The following MAGI2 variants were observed in gnomAD, a reference collection of about 807,000 sequenced individuals.
The protein encoded by MAGI2 is membrane-associated guanylate kinase, WW and PDZ domain-containing protein 2.
Under a neutral mutation model 133.3 loss-of-function variants are expected in MAGI2, and 35 were observed. That is an observed-to-expected ratio of 0.26 (90% CI 0.20 to 0.35). MAGI2 has a LOEUF of 0.35. Among genes scored for constraint, MAGI2 ranks in the 10% least tolerant of loss-of-function variants. The probability of loss-of-function intolerance (pLI) is 1.00; values close to 1 mark genes in which losing one functional copy is unlikely to be tolerated. For missense variants in MAGI2, 1,636 were observed against 1,863.4 expected (o/e 0.88, Z 2.25); for synonymous variants, 729 against 710.6 (o/e 1.03, Z -0.41).
At chr7:79,043,912 T>C (rs757701173) in intron 1 of MAGI2, among the ~76,000 whole-genome samples, 10 of 151,382 alleles carry the variant, frequency 6.6e-5, no homozygotes, top group Admixed American at 1.3e-4. Flanking sequence ...ACCATTAGAG[T>C]TGTGAAATTG....
intron 2 of MAGI2, among the ~76,000 whole-genome samples, chr7:78,760,121 AAAAAT>A (rs547525365): frequency 2.9e-4 from 44 of 152,322 alleles, no homozygotes; most frequent in African/African-American, 7.7e-4. Flanking sequence ...GTCTCAAAAA[AAAAAT>A]AAAATAAACA....
intron 2 of MAGI2, among the ~76,000 whole-genome samples, chr7:79,005,877 T>C (rs1181094413): frequency 1.3e-5 from 2 of 152,178 alleles, no homozygotes; most frequent in African/African-American, 4.8e-5. Flanking sequence ...CAAAAGCCTA[T>C]TCACTTAACT....
chr7:78,676,782 A>G (rs1024759922), intron 2 of MAGI2, among the ~76,000 whole-genome samples: 1 of 152,098 alleles, frequency 6.6e-6, no homozygotes, highest in African/African-American at 2.4e-5. Context: ...ATATTATACT[A>G]ATGCTAGCAT....
intron 2 of MAGI2, among the ~76,000 whole-genome samples, chr7:78,758,335 C>T (rs1221396008): frequency 1.4e-4 from 21 of 152,036 alleles, no homozygotes; most frequent in Admixed American, 9.8e-4. Context: ...GCATTCAATA[C>T]GTACTTGTAG....
intron 2 of MAGI2, among the ~76,000 whole-genome samples, chr7:78,918,616 T>C (rs143465774): frequency 4.6e-5 from 7 of 152,312 alleles, no homozygotes; most frequent in African/African-American, 1.7e-4. Context: ...CCAATATTTA[T>C]CTCAAACATC....
intron 2 of MAGI2, among the ~76,000 whole-genome samples, chr7:78,920,889 C>T (rs985135878): frequency 7.2e-5 from 11 of 152,110 alleles, no homozygotes; most frequent in African/African-American, 2.7e-4. Context: ...CTTGGTTAAC[C>T]ATTGTTTTTA....
At chr7:78,306,776 A>G (rs908777334) in intron 9 of MAGI2, among the ~76,000 whole-genome samples, 2 of 152,278 alleles carry the variant, frequency 1.3e-5, no homozygotes, top group Admixed American at 1.3e-4. Flanking sequence ...TGAATTAATT[A>G]ACATCTGAGT....
intron 1 of MAGI2, among the ~76,000 whole-genome samples, chr7:79,244,813 C>G (rs1832703278): frequency 6.6e-6 from 1 of 152,148 alleles, no homozygotes; most frequent in African/African-American, 2.4e-5. Context: ...CCTCCCAAAA[C>G]CCCAGGCACC....
chr7:78,117,359 CAA>C (rs1406919840), intron 20 of MAGI2, among the ~76,000 whole-genome samples: 3 of 151,790 alleles, frequency 2.0e-5, no homozygotes, highest in African/African-American at 7.3e-5. Context: ...CCCAGGAACT[CAA>C]GAGTAATTGA....
At chr7:79,299,372 T>C (rs1283282640) in intron 1 of MAGI2, among the ~76,000 whole-genome samples, 1 of 151,838 alleles carries the variant, frequency 6.6e-6, no homozygotes, top group African/African-American at 2.4e-5. Flanking sequence ...GAGTTGTTTA[T>C]GGTCAGGAGA....
chr7:78,505,934 G>C (rs1795047593), intron 4 of MAGI2, among the ~76,000 whole-genome samples: 1 of 75,304 alleles, frequency 1.3e-5, no homozygotes, highest in Admixed American at 1.2e-4. Context: ...CTGAAGGTAA[G>C]GGAGAAATAA....
chr7:78,258,110 T>C (rs1280488005), intron 9 of MAGI2, among the ~76,000 whole-genome samples: 1 of 152,180 alleles, frequency 6.6e-6, no homozygotes, highest in Non-Finnish European at 1.5e-5. Context: ...CTCTAGAAAA[T>C]GTCACAACCT....
chr7:78,060,457 C>T (rs1398139975), intron 21 of MAGI2, among the ~76,000 whole-genome samples: 1 of 152,244 alleles, frequency 6.6e-6, no homozygotes, highest in African/African-American at 2.4e-5. Context: ...ATCTGCTAAG[C>T]ACTGTACAAA....
chr7:78,077,553 G>A (rs555066723), intron 21 of MAGI2, among the ~76,000 whole-genome samples: 1 of 152,056 alleles, frequency 6.6e-6, no homozygotes, highest in South Asian at 2.1e-4. Flanking sequence ...AGCTCTCTCT[G>A]TACGCTTTGA....
chr7:78,058,003 A>ATATGTGTGTGTGTGTG, intron 21 of MAGI2, among the ~76,000 whole-genome samples: 1 of 117,028 alleles, frequency 8.5e-6, no homozygotes, highest in Non-Finnish European at 1.8e-5. Flanking sequence ...ATATATATAT[A>ATATGTGTGTGTGTGTG]TGTATGAGAA....
At chr7:78,382,038 T>G (rs1021733999) in intron 6 of MAGI2, among the ~76,000 whole-genome samples, 2 of 152,180 alleles carry the variant, frequency 1.3e-5, no homozygotes, top group Non-Finnish European at 1.5e-5. Flanking sequence ...ATGGAAACAA[T>G]CTAAATACCC....
Position 78,064,622 on chromosome 7 carries a change from T to C in MAGI2, c.3706+14325A>G, listed in dbSNP as rs147556994. ...ATAGAATCAAACCAGAATTGAGAAG[T>C]GTGTCAGTTTGATTTATACTTATAT... On this transcript the variant is annotated intron_variant, in intron 21 of 21. Transcript: ENST00000354212. 3.9e-3 allele frequency among the ~76,000 whole-genome samples: 587 copies of C among 152,208 alleles called. 4 individuals are homozygous for C. Among genetic ancestry groups the C allele is most frequent in the African/African-American group, 0.014 (566 of 41,526 alleles).
intron 2 of MAGI2, among the ~76,000 whole-genome samples, chr7:78,968,097 C>T (rs2115917350): frequency 6.6e-6 from 1 of 152,264 alleles, no homozygotes; most frequent in African/African-American, 2.4e-5. Context: ...TCCCAAAGTG[C>T]TGGGATTACA....
intron 6 of MAGI2, among the ~76,000 whole-genome samples, chr7:78,386,668 G>T (rs774243115): frequency 6.6e-6 from 1 of 152,160 alleles, no homozygotes; most frequent in Admixed American, 6.5e-5. Context: ...GCTGTGATTT[G>T]TACCTCTGGT....
Sources: gnomAD v4.1 joint callset for allele counts (sites outside exome capture counted in the v4.1 genomes callset) on GRCh38, gnomAD v4.1.1 for gene constraint, MANE v1.5 for transcripts, NCBI Gene and HGNC (gene_info 2026-07-23, HGNC 2026-07-21) for gene names.